Variants in NPHS1 observed in about 807,000 individuals in gnomAD.
NPHS1 encodes the protein nephrin.
A neutral mutation model predicts 139.7 loss-of-function variants in NPHS1; 107 were observed. The observed-to-expected ratio is 0.77, with a 90% CI of 0.66 to 0.90. The LOEUF is 0.90. NPHS1 is among the 40% of genes least tolerant of loss of function. The probability of loss-of-function intolerance (pLI) is 0.00; values close to 1 mark genes in which losing one functional copy is unlikely to be tolerated. For missense variants in NPHS1, 1,580 were observed against 1,654.2 expected (o/e 0.96, Z 0.78); for synonymous variants, 707 against 706.6 (o/e 1.00, Z -0.01).
At chr19:35,832,545 GA>G (rs3216453) in intron 23 of NPHS1, among the ~76,000 whole-genome samples, 3 of 149,868 alleles carry the variant, frequency 2.0e-5, no homozygotes, top group Non-Finnish European at 4.4e-5. Context: ...CCCTGCCTCT[GA>G]AAAAAAAATC....
intron 23 of NPHS1, among the ~76,000 whole-genome samples, chr19:35,834,707 C>T (rs1031447013): frequency 7.9e-5 from 12 of 151,540 alleles, no homozygotes; most frequent in African/African-American, 2.4e-4. Context: ...CTGGCTAACG[C>T]GGTGAAACCT....
intron 23 of NPHS1, among the ~76,000 whole-genome samples, chr19:35,832,072 C>T (rs745357544): frequency 1.3e-5 from 2 of 152,226 alleles, no homozygotes; most frequent in Non-Finnish European, 1.5e-5. Context: ...CCTCTTCCCA[C>T]GCCTCCAGCC....
rs1271949197 is a variant in NPHS1 at position 35,841,737 on chromosome 19, G to A, written c.2793C>T (p.Thr931=). 2 of 1,614,032 alleles carry A rather than the reference G, an allele frequency of 1.2e-6. No individual in the cohort carries two copies. The highest frequency in any genetic ancestry group is 1.7e-6 in the Non-Finnish European group (2 of 1,180,044). The change falls in exon 20 of 29, where the codon ACC becomes ACT. Residue 931 remains threonine, a synonymous_variant. Transcript: ENST00000378910. ...TATNALGSDQ[T]NIQLVSISRP... ...TACTGATGCTGACAAGTTGAATGTT[G>A]GTTTGGTCCGAGCCAAGGGCGTTGG...
chr19:35,850,423 G>A lies in NPHS1; in HGVS notation c.549C>T (p.Ile183=), dbSNP rs768989615. ...GGGAGCCCTCGTTCACGTTTGCAGA[G>A]ATGTCAGATATTGTCTGTCCACCTT... is the stretch of plus-strand genomic sequence containing the variant. ...ILLSGQTISD[I]SANVNEGSQQ... The change falls in exon 5 of 29, where the codon ATC becomes ATT. Residue 183 remains isoleucine, a synonymous_variant. Transcript: ENST00000378910. 1.9e-6 allele frequency: 3 copies of A among 1,614,156 alleles called. No homozygotes were observed. The highest frequency in any genetic ancestry group is 4.5e-5 in the East Asian group (2 of 44,888).
rs754338082 is a variant in NPHS1, at chr19:35,839,573, C to T, written c.2850G>A (p.Val950=). 1.2e-5 allele frequency: 19 copies of T among 1,614,082 alleles called. No individual in the cohort carries two copies. Among genetic ancestry groups the T allele is most frequent in the Non-Finnish European group, 1.4e-5 (16 of 1,180,038 alleles). ...RPDPPSGLKV[V]SLTPHSVGLE... The stretch of plus-strand genomic sequence containing the variant: ...GCCCCACGGAGTGTGGGGTCAGACT[C>T]ACAACCTTTAATCCTGATGGAGGGT... The change falls in exon 21 of 29, where the codon GTG becomes GTA. Residue 950 remains valine (V), a synonymous_variant. Transcript: ENST00000378910.
Position 35,850,431 on chromosome 19 carries a change from A to T in NPHS1, c.541T>A (p.Ser181Thr), listed in dbSNP as rs1430564353. ...ITILLSGQTI[S>T]DISANVNEGS... ...TCGTTCACGTTTGCAGAGATGTCAG[A>T]TATTGTCTGTCCACCTTGGGGCAGC... Residue 181 changes from serine (S) to threonine (T), a missense_variant, in exon 5 of 29, where the codon TCT (serine) becomes ACT (threonine). Physicochemically the swap from Ser to Thr is moderately conservative, Grantham distance 58. Coordinates refer to ENST00000378910, the MANE Select transcript of NPHS1 (RefSeq NM_004646.4). 4.3e-6 allele frequency: 7 copies of T among 1,613,956 alleles called. No homozygotes were observed. The highest frequency in any genetic ancestry group is 5.9e-6 in the Non-Finnish European group (7 of 1,179,998).
chr19:35,831,513 G>A lies in NPHS1; in HGVS notation c.3287-13C>T, dbSNP rs747150188. 2.8e-5 allele frequency: 45 copies of A among 1,613,806 alleles called. No individual in the cohort carries two copies. Among genetic ancestry groups the A allele is most frequent in the Non-Finnish European group, 3.7e-5 (44 of 1,179,968 alleles). On this transcript the variant is annotated splice_polypyrimidine_tract_variant and intron_variant, in intron 24 of 28. Coordinates refer to ENST00000378910, the MANE Select transcript of NPHS1 (RefSeq NM_004646.4). Reference sequence around the variant, plus strand: ...TTCTCTGAGATGCCTGAAGGAAACAGGAATAAAGGGCTCAGTGACCCTATG... The same window carrying A: ...TTCTCTGAGATGCCTGAAGGAAACAAGAATAAAGGGCTCAGTGACCCTATG...
At chr19:35,827,848 T>C (rs930257825) in intron 28 of NPHS1, among the ~76,000 whole-genome samples, 3 of 151,994 alleles carry the variant, frequency 2.0e-5, no homozygotes, top group Non-Finnish European at 4.4e-5. Context: ...ACCTGGGAGG[T>C]GGAGGTTGCA....
In NPHS1 at chr19:35,849,566, G is replaced by T. The variant is rs1289317366; in HGVS notation, c.696C>A (p.Phe232Leu). 2 of 1,613,622 alleles carry T rather than the reference G, an allele frequency of 1.2e-6. No homozygotes were observed. Among genetic ancestry groups the T allele is most frequent in the African/African-American group, 2.7e-5 (2 of 74,914 alleles). The change falls in exon 6 of 29, where the codon TTC (phenylalanine) becomes TTA (leucine). Residue 232 changes from phenylalanine to leucine, a missense_variant. Coordinates refer to ENST00000378910, the MANE Select transcript of NPHS1 (RefSeq NM_004646.4). ...PALEAPIKASFTVNVLFPPGP... is the reference protein window; with the variant it reads ...PALEAPIKASLTVNVLFPPGP... ...TCCACTTACACAGAACATTCACGGT[G>T]AATGAGGCCTTGATGGGGGCCTCCA...
intron 23 of NPHS1, among the ~76,000 whole-genome samples, chr19:35,834,615 G>A (rs538926609): frequency 2.4e-4 from 37 of 152,240 alleles, no homozygotes; most frequent in Middle Eastern, 6.8e-3. Context: ...AAATTGGCCA[G>A]ATGCAGTGGC....
chr19:35,848,216 G>T (rs772288391), intron 10 of NPHS1, 37 bp downstream of exon 10: 1 of 1,614,154 alleles, frequency 6.2e-7, no homozygotes, highest in Non-Finnish European at 8.5e-7. Flanking sequence ...TGGGTCCTGA[G>T]GCTTGGGGGC....
In NPHS1 at chr19:35,849,338, C is replaced by T; in HGVS notation, c.738G>A (p.Glu246=). 6.2e-7 allele frequency: 1 copy of T among 1,612,746 alleles called. No individual in the cohort carries two copies. Among genetic ancestry groups the T allele is most frequent in the East Asian group, 2.2e-5 (1 of 44,888 alleles). ...VLFPPGPPVI[E]WPGLDEGHVR... ...CGTGCCCCTCATCCAGGCCTGGCCA[C>T]TCGATGACAGGGGGTCCTGGAGGGA... The change falls in exon 7 of 29, where the codon GAG becomes GAA. Residue 246 remains glutamate, a synonymous_variant. Coordinates refer to ENST00000378910, the MANE Select transcript of NPHS1 (RefSeq NM_004646.4).
intron 23 of NPHS1, among the ~76,000 whole-genome samples, chr19:35,834,910 A>G (rs531674982): frequency 6.6e-6 from 1 of 151,402 alleles, no homozygotes; most frequent in Non-Finnish European, 1.5e-5. Context: ...AAATAAAAAA[A>G]AAAAATGCCG....
intron 22 of NPHS1, 112 bp from the exon 23 acceptor site, chr19:35,835,873 T>C (rs1972950599): frequency 1.2e-6 from 1 of 861,298 alleles, no homozygotes; most frequent in Non-Finnish European, 1.9e-6. Flanking sequence ...GGTATATGAC[T>C]GCTTAAGAAT....
At chr19:35,834,414 G>A (rs566720230) in intron 23 of NPHS1, among the ~76,000 whole-genome samples, 17 of 152,232 alleles carry the variant, frequency 1.1e-4, no homozygotes, top group East Asian at 9.6e-4. Context: ...GCACTGTTCC[G>A]CCAGACTCAG....
In NPHS1 at chr19:35,845,719, G is replaced by A; in HGVS notation, c.1707C>T (p.Ser569=). 6.2e-7 allele frequency: 1 copy of A among 1,614,094 alleles called. No homozygotes were observed. The highest frequency in any genetic ancestry group is 8.5e-7 in the Non-Finnish European group (1 of 1,179,960). ...PGDALNLTCV[S]VSSNPPVNLS... is the part of the protein sequence containing the mutation. ...AGTTGACCGGCGGATTGCTGCTGAC[G>A]CTGACGCATGTCAAGTTTAAGGCGT... The change falls in exon 13 of 29, where the codon AGC becomes AGT. Residue 569 remains serine (S), a synonymous_variant. Coordinates refer to ENST00000378910, the MANE Select transcript of NPHS1 (RefSeq NM_004646.4). This position sits in a 1 kb window ranked among gnomAD's most constrained non-coding sequence, Gnocchi z 5.5.
intron 19 of NPHS1, 74 bp from the exon 20 acceptor site, chr19:35,841,940 A>G: frequency 1.3e-6 from 2 of 1,491,788 alleles, no homozygotes; most frequent in South Asian, 1.2e-5. Context: ...CTATGCATCC[A>G]TCCATTAATG....
chr19:35,835,650 C>T (rs1411745846), intron 23 of NPHS1, 55 bp downstream of exon 23: 2 of 1,476,180 alleles, frequency 1.4e-6, no homozygotes, highest in Non-Finnish European at 1.9e-6. Flanking sequence ...GGGTCAGAGA[C>T]CAGGAGGTTC....
In NPHS1 at chr19:35,848,620, C is replaced by T. The variant is rs201315625; in HGVS notation, c.1170+17G>A. The T allele has an allele frequency of 3.7e-6, 6 of 1,612,540 alleles. No homozygotes were observed. The highest frequency in any genetic ancestry group is 5.1e-6 in the Non-Finnish European group (6 of 1,179,908). ...CCCCCTCCATGCTCAGACCCAGGAG[C>T]CTGGCCCCCGCCTCACATCCATGAC... On this transcript the variant is annotated intron_variant, in intron 9 of 28. Coordinates refer to ENST00000378910, the MANE Select transcript of NPHS1 (RefSeq NM_004646.4).
Sources: allele counts gnomAD v4.1 joint callset (sites outside exome capture counted in the v4.1 genomes callset), GRCh38; gene constraint gnomAD v4.1.1; non-coding constraint Gnocchi (gnomAD v3.1); transcripts MANE v1.5; gene names NCBI Gene and HGNC (gene_info 2026-07-23, HGNC 2026-07-21).